The following GFPT1 variants were observed in gnomAD, a reference collection of about 807,000 sequenced individuals.
The protein encoded by GFPT1 is glutamine--fructose-6-phosphate transaminase 1, also known as glutamine--fructose-6-phosphate aminotransferase [isomerizing] 1.
GFPT1 carries 40 observed loss-of-function variants against 92.0 expected under a neutral mutation model. The observed-to-expected ratio is 0.43, with a 90% CI of 0.34 to 0.57. The LOEUF (loss-of-function observed/expected upper bound fraction) is 0.57, where lower values mean the gene tolerates loss of function less well. GFPT1 is among the 20% of genes least tolerant of loss of function. The pLI is 0.02. For missense variants in GFPT1, 448 were observed against 869.1 expected (o/e 0.52, Z 6.09); for synonymous variants, 269 against 280.6 (o/e 0.96, Z 0.41).
chr2:69,339,117 T>C (rs1039125345), intron 13 of GFPT1, among the ~76,000 whole-genome samples: 3 of 152,178 alleles, frequency 2.0e-5, no homozygotes, highest in Admixed American at 6.5e-5. Flanking sequence ...TACCCACACA[T>C]ATAAAACGTT....
chr2:69,384,955 C>A (rs1015126702), intron 1 of GFPT1, among the ~76,000 whole-genome samples: 2 of 152,120 alleles, frequency 1.3e-5, no homozygotes, highest in African/African-American at 4.8e-5. Flanking sequence ...TAATGACACT[C>A]ATCTTCTTAT....
At chr2:69,329,461 A>C in intron 16 of GFPT1, 37 bp from the exon 17 acceptor site, 1 of 1,472,502 alleles carries the variant, frequency 6.8e-7, no homozygotes, top group Non-Finnish European at 9.5e-7. Context: ...ACAATAAACC[A>C]AACAAATAAA....
chr2:69,350,314 C>T, intron 9 of GFPT1, 131 bp from the exon 10 acceptor site: 2 of 680,952 alleles, frequency 2.9e-6, no homozygotes. Context: ...ATTTAAAAAG[C>T]CAAGTAGATC....
At chr2:69,345,734 T>C (rs1485372173) in intron 12 of GFPT1, among the ~76,000 whole-genome samples, 170 bp downstream of exon 12, 1 of 152,204 alleles carries the variant, frequency 6.6e-6, no homozygotes, top group African/African-American at 2.4e-5. Context: ...ATATCTTATA[T>C]AGGTAGAATC....
At position 69,321,121 on chromosome 2, in the gene GFPT1, G is replaced by A. The variant is rs1670393927; in HGVS notation, c.*5068C>T. 6.6e-6 allele frequency: 1 copy of A among 152,182 alleles called. No individual in the cohort carries two copies. The highest frequency in any genetic ancestry group is 2.4e-5 in the African/African-American group (1 of 41,444). 9.4% of individuals were successfully genotyped at this position (152,182 alleles called of 1,614,324 possible). A position where few individuals can be genotyped will look rare whatever the true frequency, so the allele number is the denominator to read the frequency against. Reference sequence around the variant, plus strand: ...ACTTTAGATTGTCTTGCTACTCACTGACCTTAAATATTATCCTTTCTTTTG... The same window carrying A: ...ACTTTAGATTGTCTTGCTACTCACTAACCTTAAATATTATCCTTTCTTTTG... On this transcript the variant is annotated 3_prime_UTR_variant, in exon 20 of 20. Coordinates refer to ENST00000357308, the MANE Select transcript of GFPT1 (RefSeq NM_001244710.2).
chr2:69,366,973 T>C (rs1033388363), intron 3 of GFPT1, among the ~76,000 whole-genome samples: 3 of 152,340 alleles, frequency 2.0e-5, no homozygotes, highest in Non-Finnish European at 4.4e-5. Context: ...CTACCCATAC[T>C]CAGAGTTAAC....
intron 18 of GFPT1, among the ~76,000 whole-genome samples, chr2:69,327,796 G>A (rs995137953): frequency 6.6e-6 from 1 of 152,084 alleles, no homozygotes; most frequent in African/African-American, 2.4e-5. Context: ...TATGACCTTG[G>A]TCTTCTTAAA....
intron 6 of GFPT1, 138 bp from the exon 7 acceptor site, chr2:69,356,695 T>C: frequency 2.8e-6 from 2 of 717,194 alleles, no homozygotes; most frequent in Non-Finnish European, 5.1e-6. Context: ...AAGTCTAAAG[T>C]TTAAGTAAAC....
At chr2:69,352,164 G>A (rs1671221107) in intron 9 of GFPT1, among the ~76,000 whole-genome samples, 1 of 152,166 alleles carries the variant, frequency 6.6e-6, no homozygotes, top group African/African-American at 2.4e-5. Context: ...TCCGGAGGCT[G>A]AGGTGGGAGA....
intron 1 of GFPT1, among the ~76,000 whole-genome samples, chr2:69,380,963 T>C (rs1671994332): frequency 6.6e-6 from 1 of 152,198 alleles, no homozygotes; most frequent in African/African-American, 2.4e-5. Flanking sequence ...TTTTGGTAGA[T>C]TCTTACTTTA....
chr2:69,342,443 C>T (rs895633524), intron 12 of GFPT1, among the ~76,000 whole-genome samples, 194 bp from the exon 13 acceptor site: 10 of 152,218 alleles, frequency 6.6e-5, no homozygotes, highest in African/African-American at 2.2e-4. Context: ...CTGGCGCCCC[C>T]AAACTTGTAA....
In GFPT1 at chr2:69,336,345, A is replaced by C. The variant is rs1670797219; in HGVS notation, c.1482+1553T>G. ...CAGAGTGAGAGTCTGTCTCCAAAAAAAAAAAAAAAAAGAAAAAGAAAAAGA... is the reference window on the plus strand; with the variant it reads ...CAGAGTGAGAGTCTGTCTCCAAAAACAAAAAAAAAAAGAAAAAGAAAAAGA... On this transcript the variant is annotated intron_variant, in intron 15 of 19. Transcript: ENST00000357308. Among the ~76,000 whole-genome samples the C allele has an allele frequency of 2.0e-5, 3 of 150,734 alleles. No homozygotes were observed. In the South Asian group the frequency reaches 6.3e-4, roughly 31 times the overall value.
At chr2:69,374,245 G>A in intron 1 of GFPT1, 132 bp from the exon 2 acceptor site, 1 of 533,010 alleles carries the variant, frequency 1.9e-6, no homozygotes, top group African/African-American at 1.9e-5. Flanking sequence ...TAAAGGCAAT[G>A]GAACTTTTTC....
chr2:69,333,884 G>A (rs1428777024), intron 15 of GFPT1, among the ~76,000 whole-genome samples: 4 of 152,194 alleles, frequency 2.6e-5, no homozygotes, highest in Admixed American at 6.5e-5. Context: ...TTGGCTGGGC[G>A]CGGTGGCTTA....
At position 69,330,996 on chromosome 2, in the gene GFPT1, T is replaced by A. The variant is rs192626183; in HGVS notation, c.1483-1198A>T. Among the ~76,000 whole-genome samples, 1,065 of 152,340 alleles carry A rather than the reference T, an allele frequency of 7.0e-3. 46 individuals carry two copies. Among genetic ancestry groups the A allele is most frequent in the Admixed American group, 0.056 (852 of 15,304 alleles). On this transcript the variant is annotated intron_variant, in intron 15 of 19. Coordinates refer to ENST00000357308, the MANE Select transcript of GFPT1 (RefSeq NM_001244710.2). ...GGCTCAAAACGTACTATAAATTTTA[T>A]TGATGACAGCTTGAACTAAAAGACA...
At chr2:69,332,155 C>A (rs1257169295) in intron 15 of GFPT1, among the ~76,000 whole-genome samples, 1 of 152,000 alleles carries the variant, frequency 6.6e-6, no homozygotes, top group Non-Finnish European at 1.5e-5. Flanking sequence ...TATGTCATTT[C>A]TTTACAAAAC....
chr2:69,386,027 T>TA (rs370310082), intron 1 of GFPT1, among the ~76,000 whole-genome samples: 54,484 of 140,198 alleles, frequency 0.39, 10,467 homozygotes, highest in South Asian at 0.46. Context: ...TACTTCCCTT[T>TA]AAAAAAAAAA....
chr2:69,362,993 C>T (rs1485671158), intron 4 of GFPT1, among the ~76,000 whole-genome samples: 1 of 151,988 alleles, frequency 6.6e-6, no homozygotes, highest in East Asian at 1.9e-4. Context: ...TGCCTATAAT[C>T]CCAGCACTTT....
intron 19 of GFPT1, 141 bp downstream of exon 19, chr2:69,326,773 T>C: frequency 1.2e-6 from 1 of 808,148 alleles, no homozygotes; most frequent in African/African-American, 1.7e-5. Context: ...ACCTACAAAT[T>C]GGGCCATGAA....
Sources: gnomAD v4.1 joint callset for allele counts (sites outside exome capture counted in the v4.1 genomes callset) on GRCh38, gnomAD v4.1.1 for gene constraint, MANE v1.5 for transcripts, NCBI Gene and HGNC (gene_info 2026-07-23, HGNC 2026-07-21) for gene names.